The following SNX2 variants were observed in gnomAD, a reference collection of about 807,000 sequenced individuals.
SNX2 encodes the protein sorting nexin 2, also known as sorting nexin-2.
In SNX2, 25 loss-of-function variants were observed where a neutral mutation model predicts 69.9. The ratio of observed to expected loss-of-function variants is 0.36; its 90% CI spans 0.26 to 0.50. SNX2 has a LOEUF of 0.50. Among genes scored for constraint, SNX2 ranks in the 20% least tolerant of loss-of-function variants. SNX2 has a pLI of 0.97. For missense variants in SNX2, 551 were observed against 613.3 expected (o/e 0.90, Z 1.07); for synonymous variants, 229 against 200.4 (o/e 1.14, Z -1.20).
chr5:122,801,563 C>G (rs1753510702), intron 3 of SNX2, among the ~76,000 whole-genome samples: 1 of 149,754 alleles, frequency 6.7e-6, no homozygotes, highest in South Asian at 2.1e-4. Flanking sequence ...TGAGATTGAG[C>G]CACTGCACTC....
intron 11 of SNX2, among the ~76,000 whole-genome samples, chr5:122,824,780 A>G (rs1012667186): frequency 3.3e-5 from 5 of 152,350 alleles, no homozygotes; most frequent in African/African-American, 9.6e-5. Flanking sequence ...GCACTTTGGT[A>G]TAGAAAGCTT....
At chr5:122,829,235 T>C (rs1754226781) in intron 14 of SNX2, among the ~76,000 whole-genome samples, 1 of 152,076 alleles carries the variant, frequency 6.6e-6, no homozygotes, top group Admixed American at 6.6e-5. Flanking sequence ...GATGGAGTCT[T>C]GCTCTGTTGT....
At chr5:122,815,507 AAT>A (rs1753881193) in intron 7 of SNX2, 1 of 153,816 alleles carries the variant, frequency 6.5e-6, no homozygotes, top group African/African-American at 2.4e-5. Flanking sequence ...TAGTAATATT[AAT>A]ATGTTTCTTA....
intron 11 of SNX2, among the ~76,000 whole-genome samples, chr5:122,825,083 C>T (rs1004535416): frequency 4.8e-4 from 73 of 152,184 alleles, no homozygotes; most frequent in Admixed American, 1.7e-3. Flanking sequence ...ACATATTTTT[C>T]TCTTCAGATC....
At chr5:122,801,232 G>A (rs1367290729) in intron 3 of SNX2, among the ~76,000 whole-genome samples, 2 of 152,080 alleles carry the variant, frequency 1.3e-5, no homozygotes, top group African/African-American at 4.8e-5. Flanking sequence ...TGAATCTGAA[G>A]ATTCAGTATA....
chr5:122,792,365 G>A (rs1483834734), intron 1 of SNX2, among the ~76,000 whole-genome samples: 1 of 152,100 alleles, frequency 6.6e-6, no homozygotes, highest in Non-Finnish European at 1.5e-5. Flanking sequence ...AGGCTGAGGC[G>A]GGTGGATCAC....
chr5:122,817,120 A>G, intron 9 of SNX2, 92 bp downstream of exon 9: 1 of 1,139,836 alleles, frequency 8.8e-7, no homozygotes, highest in Non-Finnish European at 1.3e-6. Flanking sequence ...ATAGGATATT[A>G]ATTTGCTTAT....
At chr5:122,776,209 G>A (rs1234434613) in intron 1 of SNX2, among the ~76,000 whole-genome samples, 1 of 152,066 alleles carries the variant, frequency 6.6e-6, no homozygotes, top group Non-Finnish European at 1.5e-5. Flanking sequence ...GTTTAACTCT[G>A]CACCAAATCA....
intron 1 of SNX2, among the ~76,000 whole-genome samples, chr5:122,782,819 G>C (rs1753007090): frequency 6.6e-6 from 1 of 152,216 alleles, no homozygotes; most frequent in Non-Finnish European, 1.5e-5. Context: ...TTACAGGCGT[G>C]AGCTATTGCA....
intron 11 of SNX2, among the ~76,000 whole-genome samples, chr5:122,821,870 A>C (rs1754033723): frequency 1.3e-5 from 2 of 152,188 alleles, no homozygotes. Flanking sequence ...TTGGACATAA[A>C]GATTCTATAA....
intron 2 of SNX2, chr5:122,795,720 T>C (rs547582417): frequency 5.0e-4 from 84 of 168,156 alleles, no homozygotes; most frequent in Non-Finnish European, 9.1e-4. Flanking sequence ...GCTTAGAAGT[T>C]GTCCCAAAGC....
chr5:122,818,639 G>A (rs1753952263), intron 10 of SNX2, among the ~76,000 whole-genome samples, 179 bp from the exon 11 acceptor site: 1 of 152,200 alleles, frequency 6.6e-6, no homozygotes, highest in Non-Finnish European at 1.5e-5. Context: ...AGATCTCCGA[G>A]CACTTGGCAT....
intron 1 of SNX2, among the ~76,000 whole-genome samples, chr5:122,794,096 A>T (rs1020005920): frequency 2.0e-5 from 3 of 152,162 alleles, no homozygotes; most frequent in African/African-American, 7.2e-5. Flanking sequence ...GGATCACCTG[A>T]GGTCAGGAGT....
Position 122,815,960 on chromosome 5 carries a change from G to C in SNX2, c.787G>C (p.Glu263Gln), listed in dbSNP as rs762082049. The change falls in exon 8 of 15, where the codon GAA (glutamate) becomes CAA (glutamine). Residue 263 changes from glutamate to glutamine, a missense_variant. By Grantham distance (29) the Glu-to-Gln change is conservative. This residue lies in a region of SNX2 where 360 missense variants were observed against 450.4 expected (regional missense o/e 0.80). Coordinates refer to ENST00000379516, the MANE Select transcript of SNX2 (RefSeq NM_003100.4). The part of the protein sequence containing the change: ...LQDPDLRQFL[E>Q]SSELPRAVNT... ...GGATCCTGATTTAAGGCAGTTCTTG[G>C]AAAGTTCAGAGGTATTATTTCTATA... 1.3e-6 allele frequency: 2 copies of C among 1,590,668 alleles called. No individual in the cohort carries two copies. Among genetic ancestry groups the C allele is most frequent in the Admixed American group, 3.4e-5 (2 of 58,472 alleles).
At chr5:122,798,598 G>A (rs929593291) in intron 2 of SNX2, among the ~76,000 whole-genome samples, 3 of 152,096 alleles carry the variant, frequency 2.0e-5, no homozygotes, top group African/African-American at 7.2e-5. Flanking sequence ...GAAACCACTG[G>A]CCTGGTCCTG....
chr5:122,783,947 T>C (rs754510850), intron 1 of SNX2, among the ~76,000 whole-genome samples: 16 of 151,938 alleles, frequency 1.1e-4, no homozygotes, highest in Non-Finnish European at 2.1e-4. Context: ...CTTTCACTAA[T>C]GTTTGTAGCT....
At chr5:122,785,646 A>C (rs1054481074) in intron 1 of SNX2, among the ~76,000 whole-genome samples, 5 of 152,130 alleles carry the variant, frequency 3.3e-5, no homozygotes, top group African/African-American at 1.2e-4. Context: ...TTGATCTATG[A>C]GTTATTTAGA....
At chr5:122,792,264 T>C (rs1344945773) in intron 1 of SNX2, among the ~76,000 whole-genome samples, 1 of 152,182 alleles carries the variant, frequency 6.6e-6, no homozygotes, top group African/African-American at 2.4e-5. Context: ...ATCTTATTAA[T>C]TAGGAGTGGC....
rs573632524 is a variant in SNX2 at position 122,834,255 on chromosome 5, A to G, written c.*4607A>G. ...GAAGATAGGGAAGCTGTAGTTTACTATCTAGTTTTTTAATGCACATGAAGT... is the reference window on the plus strand; with the variant it reads ...GAAGATAGGGAAGCTGTAGTTTACTGTCTAGTTTTTTAATGCACATGAAGT... On this transcript the variant is annotated 3_prime_UTR_variant, in exon 15 of 15. Transcript: ENST00000379516. 5 of 152,208 alleles carry G rather than the reference A, an allele frequency of 3.3e-5. No homozygotes were observed. Among genetic ancestry groups the G allele is most frequent in the African/African-American group, 4.8e-5 (2 of 41,588 alleles). 9.4% of individuals were successfully genotyped at this position (152,208 alleles called of 1,614,324 possible). A position where few individuals can be genotyped will look rare whatever the true frequency, so the allele number is the denominator to read the frequency against.
Sources: allele counts gnomAD v4.1 joint callset (sites outside exome capture counted in the v4.1 genomes callset), GRCh38; gene constraint gnomAD v4.1.1; regional missense constraint gnomAD v4.1.1; transcripts MANE v1.5; gene names NCBI Gene and HGNC (gene_info 2026-07-23, HGNC 2026-07-21).